The following FAM83A variants were observed in gnomAD, a reference collection of about 807,000 sequenced individuals.
FAM83A encodes scaffolding CK1 anchoring protein A, also known as protein FAM83A.
A neutral mutation model predicts 24.4 loss-of-function variants in FAM83A; 21 were observed. The observed-to-expected ratio is 0.86, with a 90% CI of 0.61 to 1.24. The LOEUF is 1.24. Among genes scored for constraint, FAM83A ranks in the 50% most tolerant of loss-of-function variants. The pLI is 0.00. For synonymous variants in FAM83A, 270 were observed against 252.4 expected (o/e 1.07, Z -0.66); for missense variants, 617 against 579.8 (o/e 1.06, Z -0.66).
chr8:123,184,674 A>G (rs1823731297), intron 1 of FAM83A, among the ~76,000 whole-genome samples: 1 of 152,154 alleles, frequency 6.6e-6, no homozygotes, highest in East Asian at 1.9e-4. Context: ...CCCCAGGTGC[A>G]CAAAATGACT....
chr8:123,192,126 C>T (rs1020353454), intron 2 of FAM83A, among the ~76,000 whole-genome samples, 156 bp downstream of exon 2: 2 of 152,138 alleles, frequency 1.3e-5, no homozygotes, highest in Non-Finnish European at 2.9e-5. Context: ...TCAGATGGCC[C>T]TCCTCCATAT....
chr8:123,199,487 C>G (rs553262612), intron 3 of FAM83A, among the ~76,000 whole-genome samples: 3 of 152,184 alleles, frequency 2.0e-5, no homozygotes, highest in Non-Finnish European at 4.4e-5. Context: ...GTAATCCCAG[C>G]ACTTTGGGAG....
At chr8:123,190,506 C>T (rs940487743) in intron 1 of FAM83A, among the ~76,000 whole-genome samples, 2 of 151,908 alleles carry the variant, frequency 1.3e-5, no homozygotes, top group Admixed American at 1.3e-4. Context: ...CTCAAATGAT[C>T]CGCCCGCCTC....
chr8:123,179,820 C>G (rs1453853009), upstream of FAM83A: 1 of 152,164 alleles, frequency 6.6e-6, no homozygotes, highest in African/African-American at 2.4e-5. Context: ...TCACCTCTGT[C>G]TCAGGGAGAC....
Position 123,198,213 on chromosome 8 carries a change from C to T in FAM83A, c.773+4065C>T, listed in dbSNP as rs150201250. On this transcript the variant is annotated intron_variant, in intron 3 of 3. Coordinates refer to ENST00000690554, the Ensembl canonical transcript of FAM83A. ...GTTTTTTAAAAAAAGTCTTCTTACCCGGAGGCTCTTATCTATAATGTCCTG... is the reference window on the plus strand; with the variant it reads ...GTTTTTTAAAAAAAGTCTTCTTACCTGGAGGCTCTTATCTATAATGTCCTG... Among the ~76,000 whole-genome samples, 340 of 152,160 alleles carry T rather than the reference C, an allele frequency of 2.2e-3. 2 individuals are homozygous for T. The highest frequency in any genetic ancestry group is 7.8e-3 in the African/African-American group (325 of 41,512).
intron 3 of FAM83A, among the ~76,000 whole-genome samples, chr8:123,205,267 G>T (rs1475877745): frequency 6.6e-6 from 1 of 152,194 alleles, no homozygotes; most frequent in Non-Finnish European, 1.5e-5. Context: ...CTTGTTCTTT[G>T]GACTTGTTCT....
exon 3 of FAM83A, chr8:123,194,136 C>T: frequency 6.2e-7 from 1 of 1,613,994 alleles, no homozygotes. Flanking sequence ...TTTGTCCTGT[C>T]TGGATCTTAC....
exon 4 of FAM83A, chr8:123,207,936 T>C (rs1005135802): frequency 3.2e-6 from 4 of 1,235,556 alleles, no homozygotes; most frequent in Non-Finnish European, 4.0e-6. Flanking sequence ...GTGGGGCAGC[T>C]AGAGGACAAA....
At chr8:123,190,284 C>G (rs531443273) in intron 1 of FAM83A, among the ~76,000 whole-genome samples, 22 of 152,276 alleles carry the variant, frequency 1.4e-4, no homozygotes, top group Admixed American at 1.2e-3. Context: ...TATTTTGAGA[C>G]AGAGTCTCTT....
At chr8:123,184,552 G>A (rs922996438) in intron 1 of FAM83A, among the ~76,000 whole-genome samples, 12 of 151,952 alleles carry the variant, frequency 7.9e-5, no homozygotes, top group Non-Finnish European at 1.5e-4. Context: ...TTCAGGCACC[G>A]TGAGAGCTGG....
intron 1 of FAM83A, among the ~76,000 whole-genome samples, chr8:123,188,900 G>A (rs1418854453): frequency 6.6e-6 from 1 of 152,198 alleles, no homozygotes; most frequent in East Asian, 1.9e-4. Flanking sequence ...TAGACAGGGT[G>A]AGCCTGTATT....
chr8:123,187,736 A>G (rs1372084849), intron 1 of FAM83A, among the ~76,000 whole-genome samples: 2 of 152,220 alleles, frequency 1.3e-5, no homozygotes, highest in Non-Finnish European at 2.9e-5. Context: ...CACAAAATGG[A>G]CAGGGAGTTT....
chr8:123,196,034 C>T (rs369121737), intron 3 of FAM83A, among the ~76,000 whole-genome samples: 3 of 152,180 alleles, frequency 2.0e-5, no homozygotes, highest in Admixed American at 1.3e-4. Flanking sequence ...TTTTTTGAGA[C>T]GGAGTCTCGC....
chr8:123,182,446 C>G (rs1161041476), upstream of FAM83A: 1 of 399,494 alleles, frequency 2.5e-6, no homozygotes, highest in African/African-American at 2.0e-5. Flanking sequence ...TCCAGCTGGG[C>G]TGGTGGTGCC....
In FAM83A at chr8:123,194,220, C is replaced by T. The variant is rs746176525; in HGVS notation, c.773+72C>T. 8.7e-5 allele frequency: 138 copies of T among 1,582,792 alleles called. No individual in the cohort carries two copies. The Middle Eastern group carries it at 1.1e-3, about 13-fold the overall frequency. On this transcript the variant is annotated intron_variant, in intron 3 of 3. Transcript: ENST00000690554. The stretch of plus-strand genomic sequence containing the variant: ...GCTGAGTGAGGTGCAGACCAGCTCC[C>T]GCTGCTCAGACACAAACACCCCCAG...
chr8:123,202,565 T>A (rs1340209879), intron 3 of FAM83A: 3 of 152,708 alleles, frequency 2.0e-5, no homozygotes, highest in Admixed American at 6.5e-5. Context: ...GTTGCTTTCC[T>A]GGCATGAAGT....
chr8:123,185,300 C>T (rs1012209567), intron 1 of FAM83A, among the ~76,000 whole-genome samples: 27 of 152,230 alleles, frequency 1.8e-4, no homozygotes, highest in African/African-American at 6.0e-4. Flanking sequence ...AAGTTCAGTG[C>T]TCTCCCGAGG....
chr8:123,208,078 G>C (rs1308288032), exon 4 of FAM83A: 2 of 1,029,454 alleles, frequency 1.9e-6, no homozygotes, highest in East Asian at 1.7e-4. Context: ...CTGAGAGATA[G>C]ATGGTAGTTT....
intron 3 of FAM83A, among the ~76,000 whole-genome samples, chr8:123,197,823 A>G (rs1037685847): frequency 6.6e-6 from 1 of 152,210 alleles, no homozygotes; most frequent in African/African-American, 2.4e-5. Flanking sequence ...GCCCCAAAGC[A>G]CATGATACAC....
Sources: allele counts gnomAD v4.1 joint callset (sites outside exome capture counted in the v4.1 genomes callset), GRCh38; gene constraint gnomAD v4.1.1; transcripts MANE v1.5; gene names NCBI Gene and HGNC (gene_info 2026-07-23, HGNC 2026-07-21).